FRMD3: variants seen among roughly 807,000 people sequenced by gnomAD.
FRMD3 encodes FERM domain-containing protein 3.
A neutral mutation model predicts 70.2 loss-of-function variants in FRMD3; 33 were observed. The ratio of observed to expected loss-of-function variants is 0.47; its 90% CI spans 0.36 to 0.63. The LOEUF (loss-of-function observed/expected upper bound fraction) is 0.63, where lower values mean the gene tolerates loss of function less well. FRMD3 is among the 20% of genes least tolerant of loss of function. FRMD3 has a pLI of 0.00. For synonymous variants in FRMD3, 279 were observed against 255.9 expected, an observed-to-expected ratio of 1.09 and a Z score of -0.86; for missense variants, 632 against 711.4, an observed-to-expected ratio of 0.89 and a Z score of 1.27.
At chr9:83,299,079 C>A (rs1390385607) in intron 11 of FRMD3, 33 bp downstream of exon 11, 4 of 1,470,418 alleles carry the variant, frequency 2.7e-6, no homozygotes, top group Non-Finnish European at 2.9e-6. Context: ...CCCATCCCCA[C>A]CCCCTCACTG....
chr9:83,523,367 A>G (rs1012383412), intron 1 of FRMD3, among the ~76,000 whole-genome samples: 1 of 152,218 alleles, frequency 6.6e-6, no homozygotes, highest in Non-Finnish European at 1.5e-5. Flanking sequence ...TTAAGTCTTC[A>G]GCTCTGTCTT....
At chr9:83,421,205 G>T (rs1463912676) in intron 1 of FRMD3, among the ~76,000 whole-genome samples, 1 of 151,976 alleles carries the variant, frequency 6.6e-6, no homozygotes, top group Non-Finnish European at 1.5e-5. Context: ...CTCCCAAAGT[G>T]CTGGGATTAC....
At chr9:83,504,303 C>G (rs1829135520) in intron 1 of FRMD3, among the ~76,000 whole-genome samples, 1 of 152,152 alleles carries the variant, frequency 6.6e-6, no homozygotes, top group South Asian at 2.1e-4. Flanking sequence ...TAATGGGTCT[C>G]CCTGTGTTTG....
intron 1 of FRMD3, among the ~76,000 whole-genome samples, chr9:83,408,653 G>C (rs1192830703): frequency 6.6e-6 from 1 of 152,224 alleles, no homozygotes; most frequent in Non-Finnish European, 1.5e-5. Flanking sequence ...GCCTGGGTTT[G>C]GGAACTGACC....
chr9:83,384,530 C>T (rs1825455389), intron 2 of FRMD3, among the ~76,000 whole-genome samples: 1 of 152,138 alleles, frequency 6.6e-6, no homozygotes, highest in Non-Finnish European at 1.5e-5. Flanking sequence ...ATTAATAAAA[C>T]TTACTGATAG....
At chr9:83,546,157 G>C in the FRMD3 span, among the ~76,000 whole-genome samples, 1,310 of 152,090 alleles carry the variant, frequency 8.6e-3, 24 homozygotes, top group African/African-American at 0.03. Flanking sequence ...AGGAGTTTGA[G>C]ACCAGCCTGG....
intron 10 of FRMD3, among the ~76,000 whole-genome samples, chr9:83,307,978 A>T (rs1429022971): frequency 6.6e-6 from 1 of 152,144 alleles, no homozygotes; most frequent in Non-Finnish European, 1.5e-5. Context: ...CTCCTTCCTT[A>T]TCAGTCCCCA....
At chr9:83,466,297 A>G (rs368418998) in intron 1 of FRMD3, among the ~76,000 whole-genome samples, 31 of 152,332 alleles carry the variant, frequency 2.0e-4, no homozygotes, top group African/African-American at 6.5e-4. Context: ...AAGAATTTGC[A>G]TTTTGGTTTA....
In FRMD3 at chr9:83,502,760, G is replaced by A. The variant is rs930052022; in HGVS notation, c.147+35325C>T. On this transcript the variant is annotated intron_variant, in intron 1 of 13. Coordinates refer to ENST00000304195, the MANE Select transcript of FRMD3 (RefSeq NM_174938.6). ...CGGCCCTCATAATTTTAGCTTTAATGAGAAGCTTTAATGATCATATATTGA... is the reference window on the plus strand; with the variant it reads ...CGGCCCTCATAATTTTAGCTTTAATAAGAAGCTTTAATGATCATATATTGA... 2.6e-5 allele frequency among the ~76,000 whole-genome samples: 4 copies of A among 152,178 alleles called. No individual in the cohort carries two copies. The South Asian group carries it at 8.3e-4, about 32-fold the overall frequency.
At chr9:83,460,116 A>C (rs1458594620) in intron 1 of FRMD3, among the ~76,000 whole-genome samples, 1 of 152,154 alleles carries the variant, frequency 6.6e-6, no homozygotes, top group Non-Finnish European at 1.5e-5. Context: ...ACAAACATCT[A>C]GTCCATAACA....
intron 13 of FRMD3, among the ~76,000 whole-genome samples, chr9:83,252,870 T>C (rs1832495389): frequency 6.6e-6 from 1 of 152,236 alleles, no homozygotes; most frequent in East Asian, 1.9e-4. Context: ...AAGCAAGTGC[T>C]TTATGAGACC....
At chr9:83,514,532 G>T (rs927982629) in intron 1 of FRMD3, among the ~76,000 whole-genome samples, 1 of 152,170 alleles carries the variant, frequency 6.6e-6, no homozygotes, top group Non-Finnish European at 1.5e-5. Context: ...GGTTGTGGGC[G>T]CAGCTTCAGC....
intron 2 of FRMD3, among the ~76,000 whole-genome samples, chr9:83,375,832 T>G (rs1825124925): frequency 1.3e-5 from 2 of 152,096 alleles, no homozygotes; most frequent in African/African-American, 4.8e-5. Context: ...AAAGTTTACC[T>G]ATATAACAAA....
the FRMD3 span, among the ~76,000 whole-genome samples, chr9:83,551,404 A>C: frequency 2.0e-5 from 3 of 152,156 alleles, no homozygotes; most frequent in Non-Finnish European, 4.4e-5. Flanking sequence ...TTTTTGTATC[A>C]ATGTACACCA....
At chr9:83,324,210 T>C (rs1835922005) in intron 6 of FRMD3, among the ~76,000 whole-genome samples, 1 of 152,134 alleles carries the variant, frequency 6.6e-6, no homozygotes. Context: ...ACAGTATGAG[T>C]CCATTTATAT....
In FRMD3 at chr9:83,333,852, T is replaced by C. The variant is rs557542322; in HGVS notation, c.596+1664A>G. Among the ~76,000 whole-genome samples the C allele has an allele frequency of 9.9e-5, 15 of 152,272 alleles. No homozygotes were observed. The South Asian group carries it at 3.1e-3, about 32-fold the overall frequency. ...ACAAAGCACAAGTCCTTTAACCACT[T>C]CAGCTTGTACTTTCCTCATCCCACA... is the stretch of plus-strand genomic sequence containing the variant. On this transcript the variant is annotated intron_variant, in intron 6 of 13. Transcript: ENST00000304195.
intron 1 of FRMD3, among the ~76,000 whole-genome samples, chr9:83,522,566 A>ATTT (rs370993005): frequency 2.2e-5 from 3 of 138,848 alleles, no homozygotes; most frequent in Non-Finnish European, 3.1e-5. Context: ...TATATATATA[A>ATTT]TTTTTTTTTT....
At chr9:83,507,153 G>A (rs1009508342) in intron 1 of FRMD3, among the ~76,000 whole-genome samples, 1 of 151,954 alleles carries the variant, frequency 6.6e-6, no homozygotes, top group African/African-American at 2.4e-5. Context: ...TTGACGTCAG[G>A]AGTTCGAGAC....
the FRMD3 span, among the ~76,000 whole-genome samples, chr9:83,558,493 G>A: frequency 6.6e-6 from 1 of 152,172 alleles, no homozygotes; most frequent in Non-Finnish European, 1.5e-5. Flanking sequence ...GTAAATACAG[G>A]CATACTTCAC....
Sources: gnomAD v4.1 joint callset for allele counts (sites outside exome capture counted in the v4.1 genomes callset) on GRCh38, gnomAD v4.1.1 for gene constraint, MANE v1.5 for transcripts, NCBI Gene and HGNC (gene_info 2026-07-23, HGNC 2026-07-21) for gene names.